The following MATN2 variants were observed in gnomAD, a reference collection of about 807,000 sequenced individuals.
MATN2 encodes the protein matrilin-2.
In MATN2, 69 loss-of-function variants were observed where a neutral mutation model predicts 103.2. The ratio of observed to expected loss-of-function variants is 0.67; its 90% CI spans 0.55 to 0.82. MATN2 has a LOEUF of 0.82. Among genes scored for constraint, MATN2 ranks in the 40% least tolerant of loss-of-function variants. MATN2 has a pLI of 0.00. For missense variants in MATN2, 1,023 were observed against 1,211.5 expected, an observed-to-expected ratio of 0.84 and a Z score of 2.31; for synonymous variants, 429 against 450.2, an observed-to-expected ratio of 0.95 and a Z score of 0.60.
chr8:97,962,320 T>C (rs905878061), intron 5 of MATN2, among the ~76,000 whole-genome samples: 4 of 152,276 alleles, frequency 2.6e-5, no homozygotes, highest in Non-Finnish European at 5.9e-5. Context: ...GTCTTCCGTG[T>C]TCTATTGTTT....
intron 1 of MATN2, among the ~76,000 whole-genome samples, chr8:97,883,597 G>A (rs1397540010): frequency 6.9e-6 from 1 of 145,746 alleles, no homozygotes; most frequent in Non-Finnish European, 1.5e-5. Context: ...TCTGTCCCCA[G>A]ACTGGAGTGC....
At chr8:98,033,426 T>G in intron 17 of MATN2, 135 bp from the exon 18 acceptor site, 2 of 646,348 alleles carry the variant, frequency 3.1e-6, no homozygotes, top group African/African-American at 1.8e-5. Context: ...TGGTATTTAC[T>G]GGATCTGGCT....
intron 4 of MATN2, among the ~76,000 whole-genome samples, chr8:97,948,852 GA>G (rs1334860281): frequency 2.7e-5 from 4 of 150,874 alleles, no homozygotes; most frequent in Non-Finnish European, 4.4e-5. Context: ...AAACATAAAA[GA>G]AAAAAATCAA....
intron 4 of MATN2, among the ~76,000 whole-genome samples, chr8:97,942,751 C>A (rs867109764): frequency 1.3e-5 from 2 of 152,182 alleles, no homozygotes; most frequent in African/African-American, 4.8e-5. Context: ...TGTTGTTATA[C>A]CTCATGGCAA....
chr8:97,913,442 G>A (rs1392314110), intron 2 of MATN2, among the ~76,000 whole-genome samples: 1 of 151,334 alleles, frequency 6.6e-6, no homozygotes, highest in Admixed American at 6.6e-5. Context: ...AGCCTCCCAA[G>A]TAGCTGGGAT....
chr8:97,883,844 G>A (rs976062601), intron 1 of MATN2, among the ~76,000 whole-genome samples: 11 of 152,188 alleles, frequency 7.2e-5, no homozygotes, highest in East Asian at 1.9e-4. Context: ...GTGAGCCACT[G>A]TGCCTGGCCT....
rs112188940 is a variant in MATN2 at position 98,014,278 on chromosome 8, T to C, written c.1574-2262T>C. ...ATGGAAAATGGAGTAGTAGTAGTAT[T>C]ATAAATTCACGGTAGGGGGAAAAAA... On this transcript the variant is annotated intron_variant, in intron 10 of 18. Transcript: ENST00000254898. Among the ~76,000 whole-genome samples the C allele has an allele frequency of 4.6e-3, 700 of 151,008 alleles. 6 individuals carry two copies. The highest frequency in any genetic ancestry group is 0.014 in the African/African-American group (590 of 41,456).
intron 3 of MATN2, among the ~76,000 whole-genome samples, chr8:97,941,192 A>T (rs1810552777): frequency 1.3e-5 from 2 of 149,882 alleles, no homozygotes; most frequent in South Asian, 2.1e-4. Context: ...AAAAGAAAGA[A>T]AGAAAGAAAA....
chr8:98,000,604 A>AAAAAG (rs1554613600), intron 7 of MATN2, among the ~76,000 whole-genome samples: 2 of 127,208 alleles, frequency 1.6e-5, no homozygotes, highest in Non-Finnish European at 3.3e-5. Flanking sequence ...CTCAAAAAAA[A>AAAAAG]AAAAAAGAAA....
chr8:98,016,692 A>G lies in MATN2; in HGVS notation c.1696+30A>G, dbSNP rs565201425. 14 of 1,603,046 alleles carry G rather than the reference A, an allele frequency of 8.7e-6. No individual in the cohort carries two copies. The South Asian group carries it at 1.5e-4, about 17-fold the overall frequency. Reference sequence around the variant, plus strand: ...GTTTGTACTGGAGCTGGCTCCTACTACTATGCCAGACCACTGTGTGAAATC... The same window carrying G: ...GTTTGTACTGGAGCTGGCTCCTACTGCTATGCCAGACCACTGTGTGAAATC... On this transcript the variant is annotated intron_variant, in intron 11 of 18. Transcript: ENST00000254898.
chr8:98,021,574 C>T (rs959834337), intron 13 of MATN2, among the ~76,000 whole-genome samples: 6 of 151,844 alleles, frequency 4.0e-5, no homozygotes, highest in African/African-American at 1.2e-4. Context: ...GCAATGTCTG[C>T]ATGAGGGAGG....
intron 5 of MATN2, among the ~76,000 whole-genome samples, chr8:97,963,190 A>G (rs1454127672): frequency 1.3e-5 from 2 of 152,216 alleles, no homozygotes; most frequent in Non-Finnish European, 2.9e-5. Context: ...AAATGAGGTC[A>G]CACTGTCTAT....
At position 97,913,834 on chromosome 8, in the gene MATN2, C is replaced by T. The variant is rs576010854; in HGVS notation, c.143-17119C>T. ...TTTGCCATGTTGGCCAGGCTGGCCTCGAACTCCTGACCTCAGCCGATCCGC... is the reference window on the plus strand; with the variant it reads ...TTTGCCATGTTGGCCAGGCTGGCCTTGAACTCCTGACCTCAGCCGATCCGC... On this transcript the variant is annotated intron_variant, in intron 2 of 18. Coordinates refer to ENST00000254898, the MANE Select transcript of MATN2 (RefSeq NM_002380.5). 6.1e-4 allele frequency among the ~76,000 whole-genome samples: 93 copies of T among 152,048 alleles called. No homozygotes were observed. In the South Asian group the frequency reaches 0.019, roughly 30 times the overall value.
intron 13 of MATN2, chr8:98,025,863 C>T: frequency 3.0e-6 from 1 of 338,216 alleles, no homozygotes; most frequent in South Asian, 2.2e-5. Context: ...TTTATTTCTG[C>T]TTACTATCGA....
In MATN2 at chr8:97,990,072, C is replaced by T. The variant is rs138987705; in HGVS notation, c.1082-4408C>T. 2.9e-3 allele frequency among the ~76,000 whole-genome samples: 422 copies of T among 147,858 alleles called. 3 individuals are homozygous for T. The highest frequency in any genetic ancestry group is 0.01 in the African/African-American group (406 of 39,948). On this transcript the variant is annotated intron_variant, in intron 6 of 18. Coordinates refer to ENST00000254898, the MANE Select transcript of MATN2 (RefSeq NM_002380.5). Reference sequence around the variant, plus strand: ...TGGCAGGTGCCTGTAATCCTAGCTACTTGGGAAGCTGAGGCAGGGGAATTG... The same window carrying T: ...TGGCAGGTGCCTGTAATCCTAGCTATTTGGGAAGCTGAGGCAGGGGAATTG...
intron 2 of MATN2, among the ~76,000 whole-genome samples, chr8:97,896,191 T>C (rs755665852): frequency 5.9e-5 from 9 of 152,228 alleles, no homozygotes; most frequent in Non-Finnish European, 8.8e-5. Flanking sequence ...TTCATTCTTA[T>C]TTGAATGATT....
In MATN2 at chr8:97,953,421, G is replaced by A. The variant is rs1324655037; in HGVS notation, c.836-7987G>A. 5.3e-5 allele frequency among the ~76,000 whole-genome samples: 8 copies of A among 152,056 alleles called. 1 individual carries two copies. The highest frequency in any genetic ancestry group is 6.3e-3 in the Middle Eastern group (2 of 316). ...TTCGGGAGGCCAGGGCGGGTAGATCGCTTGAGCTCATGAGTTCAAGACCAG... is the reference window on the plus strand; with the variant it reads ...TTCGGGAGGCCAGGGCGGGTAGATCACTTGAGCTCATGAGTTCAAGACCAG... On this transcript the variant is annotated intron_variant, in intron 4 of 18. Coordinates refer to ENST00000254898, the MANE Select transcript of MATN2 (RefSeq NM_002380.5).
At chr8:97,990,492 A>G (rs971784723) in intron 6 of MATN2, among the ~76,000 whole-genome samples, 2 of 152,250 alleles carry the variant, frequency 1.3e-5, no homozygotes, top group African/African-American at 4.8e-5. Context: ...GAATGAAAGC[A>G]TATGTCCACA....
chr8:97,985,401 T>C (rs558253651), intron 6 of MATN2, among the ~76,000 whole-genome samples: 2 of 152,340 alleles, frequency 1.3e-5, no homozygotes, highest in East Asian at 3.9e-4. Context: ...AATTTTAACA[T>C]GAAGTTTATG....
Sources: gnomAD v4.1 joint callset for allele counts (sites outside exome capture counted in the v4.1 genomes callset) on GRCh38, gnomAD v4.1.1 for gene constraint, MANE v1.5 for transcripts, NCBI Gene and HGNC (gene_info 2026-07-23, HGNC 2026-07-21) for gene names.